The following MAGI2 variants were observed in gnomAD, a reference collection of about 807,000 sequenced individuals.
MAGI2 encodes the protein membrane associated guanylate kinase, WW and PDZ domain containing 2, also known as membrane-associated guanylate kinase, WW and PDZ domain-containing protein 2.
A neutral mutation model predicts 133.3 loss-of-function variants in MAGI2; 35 were observed. The observed-to-expected ratio is 0.26, with a 90% confidence interval of 0.20 to 0.35. The LOEUF is 0.35. MAGI2 is among the 10% of genes least tolerant of loss of function. MAGI2 has a pLI of 1.00. For synonymous variants in MAGI2, 729 were observed against 710.6 expected (o/e 1.03, Z -0.41); for missense variants, 1,636 against 1,863.4 (o/e 0.88, Z 2.25).
intron 6 of MAGI2, among the ~76,000 whole-genome samples, chr7:78,370,656 G>T: frequency 6.6e-6 from 1 of 151,860 alleles, no homozygotes; most frequent in East Asian, 1.9e-4. Flanking sequence ...GTGTATGAGT[G>T]ATTTTGTTTC....
At chr7:78,387,051 A>G (rs28464190) in intron 6 of MAGI2, among the ~76,000 whole-genome samples, 26,212 of 152,178 alleles carry the variant, frequency 0.17, 2,438 homozygotes, top group South Asian at 0.23. Flanking sequence ...GGGCATATAG[A>G]TTGGTATGCT....
At chr7:78,691,120 A>G (rs903573650) in intron 2 of MAGI2, among the ~76,000 whole-genome samples, 1 of 152,160 alleles carries the variant, frequency 6.6e-6, no homozygotes, top group African/African-American at 2.4e-5. Context: ...CCCTCTGCCT[A>G]GAATACTTTT....
chr7:78,297,108 A>T (rs1797330483), intron 9 of MAGI2, among the ~76,000 whole-genome samples: 1 of 152,224 alleles, frequency 6.6e-6, no homozygotes, highest in South Asian at 2.1e-4. Flanking sequence ...AAGGTGGTGG[A>T]GTATAACTCT....
chr7:78,942,427 C>T (rs1801058514), intron 2 of MAGI2, among the ~76,000 whole-genome samples: 1 of 152,080 alleles, frequency 6.6e-6, no homozygotes, highest in Admixed American at 6.6e-5. Flanking sequence ...ATAGTTCTTG[C>T]ATTCTCTTAC....
intron 12 of MAGI2, among the ~76,000 whole-genome samples, chr7:78,186,010 G>T (rs947495582): frequency 4.6e-5 from 7 of 151,964 alleles, no homozygotes. Context: ...GAACCTGAAA[G>T]GTATACAGAA....
chr7:78,532,427 A>C (rs1381237485), intron 3 of MAGI2, among the ~76,000 whole-genome samples: 1 of 152,192 alleles, frequency 6.6e-6, no homozygotes, highest in African/African-American at 2.4e-5. Context: ...TTGTGGTTGC[A>C]GAGTGTTTCT....
chr7:79,290,262 C>T (rs1162127068), intron 1 of MAGI2, among the ~76,000 whole-genome samples: 9 of 152,060 alleles, frequency 5.9e-5, no homozygotes, highest in African/African-American at 1.9e-4. Context: ...TCAAAAGTAA[C>T]ATATCAAAAG....
At chr7:79,177,651 A>G (rs1478100232) in intron 1 of MAGI2, among the ~76,000 whole-genome samples, 1 of 152,060 alleles carries the variant, frequency 6.6e-6, no homozygotes, top group African/African-American at 2.4e-5. Flanking sequence ...TATCAAAATG[A>G]TGATAATAAT....
intron 1 of MAGI2, among the ~76,000 whole-genome samples, chr7:79,386,665 T>C (rs147787438): frequency 7.9e-5 from 12 of 152,204 alleles, no homozygotes; most frequent in Admixed American, 6.6e-5. Context: ...GTTTATGGAA[T>C]AACACCGAGG....
intron 2 of MAGI2, among the ~76,000 whole-genome samples, chr7:78,917,532 T>C (rs1259817175): frequency 1.3e-5 from 2 of 152,112 alleles, no homozygotes; most frequent in Admixed American, 1.3e-4. Flanking sequence ...GTTTTATCCT[T>C]GGCCATTTTG....
chr7:78,504,934 C>G (rs996150395), intron 4 of MAGI2, among the ~76,000 whole-genome samples: 1 of 151,914 alleles, frequency 6.6e-6, no homozygotes, highest in African/African-American at 2.4e-5. Context: ...AGTATTAATC[C>G]TATTTTTCTA....
chr7:78,649,247 A>AAAAAAAAAAG (rs1417040877), intron 2 of MAGI2, among the ~76,000 whole-genome samples: 7 of 149,152 alleles, frequency 4.7e-5, no homozygotes, highest in Admixed American at 2.0e-4. Context: ...AAAAAAAAAG[A>AAAAAAAAAAG]AAAAAAGTAA....
chr7:79,260,768 T>C (rs551708178), intron 1 of MAGI2, among the ~76,000 whole-genome samples: 16 of 152,324 alleles, frequency 1.1e-4, no homozygotes, highest in South Asian at 2.1e-4. Context: ...GAAACGTAAG[T>C]GAATCTCATG....
chr7:78,982,305 C>G (rs1804863245), intron 2 of MAGI2, among the ~76,000 whole-genome samples: 1 of 151,790 alleles, frequency 6.6e-6, no homozygotes, highest in South Asian at 2.1e-4. Context: ...GAAACCAGAA[C>G]CACAAATTCT....
intron 3 of MAGI2, among the ~76,000 whole-genome samples, chr7:78,529,368 T>A (rs1316704893): frequency 6.6e-6 from 1 of 152,214 alleles, no homozygotes; most frequent in African/African-American, 2.4e-5. Flanking sequence ...CTTCAGGTGT[T>A]ATCAGAGTAG....
At chr7:78,242,959 C>G (rs763866396) in intron 10 of MAGI2, among the ~76,000 whole-genome samples, 1 of 152,024 alleles carries the variant, frequency 6.6e-6, no homozygotes, top group Non-Finnish European at 1.5e-5. Context: ...GTGGTCCCAG[C>G]TACTTGAAAG....
intron 1 of MAGI2, chr7:79,353,543 G>C (rs1383680710): frequency 2.2e-6 from 1 of 452,172 alleles, no homozygotes; most frequent in African/African-American, 2.0e-5. Flanking sequence ...GGCCACCACT[G>C]CTTCAAGGCA....
intron 2 of MAGI2, among the ~76,000 whole-genome samples, chr7:78,826,544 G>A (rs535314544): frequency 5.9e-5 from 9 of 152,192 alleles, no homozygotes; most frequent in African/African-American, 2.2e-4. Context: ...GACAAATTTT[G>A]TAGTGGTGAA....
intron 6 of MAGI2, chr7:78,485,728 TCATA>T (rs1792929555): frequency 6.6e-6 from 1 of 151,952 alleles, no homozygotes. Flanking sequence ...CTCCATACAT[TCATA>T]AATAGTAAGC....
Sources: gnomAD v4.1 joint callset for allele counts (sites outside exome capture counted in the v4.1 genomes callset) on GRCh38, gnomAD v4.1.1 for gene constraint, MANE v1.5 for transcripts, NCBI Gene and HGNC (gene_info 2026-07-23, HGNC 2026-07-21) for gene names.